Variants in RRP1 observed in about 807,000 individuals in gnomAD.
RRP1 encodes ribosomal RNA processing protein 1 homolog A.
A neutral mutation model predicts 54.6 loss-of-function variants in RRP1; 37 were observed. The ratio of observed to expected loss-of-function variants is 0.68; its 90% confidence interval spans 0.52 to 0.89. RRP1 has a LOEUF of 0.89. Ranked by LOEUF, RRP1 falls within the 40% of genes least tolerant of loss-of-function variation. The pLI is 0.00. For missense variants in RRP1, 639 were observed against 612.5 expected, an observed-to-expected ratio of 1.04 and a Z score of -0.46; for synonymous variants, 262 against 244.3, an observed-to-expected ratio of 1.07 and a Z score of -0.67.
rs529348875 is a variant in RRP1 at position 43,803,748 on chromosome 21, G to GAGA, written c.1371_1373dup (p.Lys458dup). On this transcript the variant is annotated inframe_insertion, in exon 13 of 13. Coordinates refer to ENST00000497547, the MANE Select transcript of RRP1 (RefSeq NM_003683.6). ...AAAGGCGGCCAATGTCCAGGAGCCG[G>GAGA]AGAAGAAGAAGAAACGCAGGGAGTG... The GAGA allele has an allele frequency of 1.3e-6, 2 of 1,580,188 alleles. No individual in the cohort carries two copies. Among genetic ancestry groups the GAGA allele is most frequent in the African/African-American group, 2.7e-5 (2 of 74,446 alleles).
intron 3 of RRP1, 134 bp from the exon 4 acceptor site, chr21:43,793,185 T>TG: frequency 2.6e-6 from 2 of 754,790 alleles, no homozygotes; most frequent in Non-Finnish European, 4.5e-6. Context: ...GATCCAGTTC[T>TG]GGGGGTAGGG....
chr21:43,794,686 G>A (rs2084997966), intron 4 of RRP1, among the ~76,000 whole-genome samples: 1 of 152,182 alleles, frequency 6.6e-6, no homozygotes, highest in South Asian at 2.1e-4. Flanking sequence ...GTTGATTCAC[G>A]GGTGAGGCTT....
chr21:43,794,758 C>CG (rs1004716285), intron 4 of RRP1, among the ~76,000 whole-genome samples: 6 of 152,136 alleles, frequency 3.9e-5, no homozygotes, highest in Non-Finnish European at 7.4e-5. Flanking sequence ...CTGCCCGTTG[C>CG]GGGGGGTTTG....
chr21:43,797,914 G>A lies in RRP1; in HGVS notation c.625G>A (p.Val209Ile), dbSNP rs551764515. 1.2e-6 allele frequency: 2 copies of A among 1,613,742 alleles called. No homozygotes were observed. Among genetic ancestry groups the A allele is most frequent in the Non-Finnish European group, 1.7e-6 (2 of 1,179,832 alleles). Residue 209 changes from valine to isoleucine, a missense_variant, in exon 8 of 13, where the codon GTT (valine) becomes ATT (isoleucine). Val to Ile is a conservative substitution (Grantham distance 29). Transcript: ENST00000497547. ...RIAARTKDSL[V>I]LNNITRGIFE... ...CTCTGCTCTGCCCCTCAGTTCCTTG[G>A]TTTTGAACAACATCACTCGAGGCAT...
At chr21:43,793,270 G>A (rs371319751) in intron 3 of RRP1, 49 bp from the exon 4 acceptor site, 6 of 1,552,628 alleles carry the variant, frequency 3.9e-6, no homozygotes, top group Non-Finnish European at 5.3e-6. Flanking sequence ...CCTCCCCAGA[G>A]TGGCTTCGTG....
chr21:43,792,800 C>T (rs1412276317), intron 3 of RRP1, 71 bp downstream of exon 3: 7 of 1,523,826 alleles, frequency 4.6e-6, no homozygotes, highest in Non-Finnish European at 6.4e-6. Flanking sequence ...GCCACCAGAC[C>T]CAGGAGGTTT....
At position 43,803,767 on chromosome 21, in the gene RRP1, G is replaced by A; in HGVS notation, c.1379G>A (p.Arg460Lys). Residue 460 changes from arginine (R) to lysine (K), a missense_variant, in exon 13 of 13, where the codon AGG (arginine) becomes AAG (lysine). Transcript: ENST00000497547. ...GAGCCGGAGAAGAAGAAGAAACGCAGGGAGTGATGTGGCCGGGCCAAGGAC... is the reference window on the plus strand; with the variant it reads ...GAGCCGGAGAAGAAGAAGAAACGCAAGGAGTGATGTGGCCGGGCCAAGGAC... ...VQEPEKKKKR[R>K]E 6.3e-7 allele frequency: 1 copy of A among 1,581,828 alleles called. No homozygotes were observed. The highest frequency in any genetic ancestry group is 8.6e-7 in the Non-Finnish European group (1 of 1,161,960).
Position 43,800,499 on chromosome 21 carries a change from GTC to G in RRP1, c.892-12_892-11del, listed in dbSNP as rs750866389. The G allele has an allele frequency of 6.8e-6, 11 of 1,613,288 alleles. No homozygotes were observed. Among genetic ancestry groups the G allele is most frequent in the Non-Finnish European group, 9.3e-6 (11 of 1,179,344 alleles). On this transcript the variant is annotated splice_polypyrimidine_tract_variant and intron_variant, in intron 9 of 12. Transcript: ENST00000497547. ...GCGTGGCTGACCTTGCCTCTGTGAC[GTC>G]TCTCTTTTGAAACAGTTTGACTACG...
At chr21:43,797,395 T>G in intron 5 of RRP1, 27 bp from the exon 6 acceptor site, 1 of 1,596,444 alleles carries the variant, frequency 6.3e-7, no homozygotes, top group Non-Finnish European at 8.5e-7. Flanking sequence ...CGAGGCTGCC[T>G]GTCATGTTTG....
intron 2 of RRP1, 57 bp from the exon 3 acceptor site, chr21:43,792,615 C>G (rs2084972225): frequency 1.3e-6 from 2 of 1,564,328 alleles, no homozygotes; most frequent in South Asian, 1.1e-5. Flanking sequence ...GCGTGTGTGT[C>G]ATTGTGAGAG....
intron 4 of RRP1, among the ~76,000 whole-genome samples, chr21:43,794,957 G>A (rs2085002344): frequency 1.3e-5 from 2 of 152,220 alleles, no homozygotes; most frequent in Admixed American, 6.5e-5. Flanking sequence ...CTGCCAGCTG[G>A]GGCCTTGGAG....
chr21:43,789,613 T>C lies in RRP1; in HGVS notation c.-17T>C, dbSNP rs2084934995. 6.3e-6 allele frequency: 10 copies of C among 1,583,536 alleles called. No homozygotes were observed. In the South Asian group the frequency reaches 9.2e-5, roughly 15 times the overall value. ...TACCAGGCGACTCCGGGACAGGGGG[T>C]CTCGGCCGTCGGCGTCATGGTTTCG... On this transcript the variant is annotated 5_prime_UTR_variant, in exon 1 of 13. Transcript: ENST00000497547.
At chr21:43,793,178 C>T in intron 3 of RRP1, 141 bp from the exon 4 acceptor site, 2 of 723,164 alleles carry the variant, frequency 2.8e-6, no homozygotes, top group Non-Finnish European at 4.7e-6. Flanking sequence ...CCAGCAAGAT[C>T]CAGTTCTGGG....
intron 12 of RRP1, among the ~76,000 whole-genome samples, chr21:43,802,944 C>T (rs904735168): frequency 5.3e-5 from 8 of 152,234 alleles, no homozygotes; most frequent in South Asian, 2.1e-4. Context: ...AGCACAGTGC[C>T]GGGCAGGGCA....
chr21:43,802,357 A>G lies in RRP1; in HGVS notation c.1093A>G (p.Lys365Glu). ...GRRQKKTKKQ[K>E]RLLRLQQERG... is the part of the protein sequence containing the mutation. ...GCGGCAGAAGAAGACGAAGAAGCAG[A>G]AGCGTCTGCTCAGGTTGCAGCAGGA... The change falls in exon 12 of 13, where the codon AAG becomes GAG. Residue 365 changes from lysine to glutamate, a missense_variant. By Grantham distance (56) the Lys-to-Glu change is moderately conservative. Coordinates refer to ENST00000497547, the MANE Select transcript of RRP1 (RefSeq NM_003683.6). The G allele has an allele frequency of 3.1e-6, 5 of 1,613,984 alleles. No individual in the cohort carries two copies. The South Asian group carries it at 3.3e-5, about 11-fold the overall frequency.
Position 43,799,640 on chromosome 21 carries a change from C to T in RRP1, c.882C>T (p.Pro294=), listed in dbSNP as rs530303660. 3.2e-5 allele frequency: 51 copies of T among 1,610,256 alleles called. No homozygotes were observed. In the African/African-American group the frequency reaches 3.2e-4, roughly 10 times the overall value. The change falls in exon 9 of 13, where the codon CCC becomes CCT. Residue 294 remains proline (P), a synonymous_variant. Transcript: ENST00000497547. ...GTGACGACAGGGACAGTGGCGGCCC[C>T]GTTCTCCAGGTGGGTTCCCTGGGCT... ...QAGDDRDSGG[P]VLQFDYEAVA... is the part of the protein sequence containing the mutation.
At position 43,804,870 on chromosome 21, in the gene RRP1, A is replaced by C. The variant is rs1410672018; in HGVS notation, c.*1096A>C. 1 of 152,482 alleles carries C rather than the reference A, an allele frequency of 6.6e-6. No homozygotes were observed. The highest frequency in any genetic ancestry group is 1.5e-5 in the Non-Finnish European group (1 of 68,292). 9.4% of individuals were successfully genotyped at this position (152,482 alleles called of 1,614,324 possible). ...GGTGGCACCTGGTGACACCTCCTTCAGTCCCACTCAGCTGGGCGGCCGGGG... is the reference window on the plus strand; with the variant it reads ...GGTGGCACCTGGTGACACCTCCTTCCGTCCCACTCAGCTGGGCGGCCGGGG... On this transcript the variant is annotated 3_prime_UTR_variant, in exon 13 of 13. Transcript: ENST00000497547. This position sits in a 1 kb window ranked among gnomAD's most constrained non-coding sequence, Gnocchi z 4.3.
In RRP1 at chr21:43,791,343, G is replaced by A; in HGVS notation, c.134-7G>A. On this transcript the variant is annotated splice_polypyrimidine_tract_variant and splice_region_variant and intron_variant, in intron 1 of 12. Coordinates refer to ENST00000497547, the MANE Select transcript of RRP1 (RefSeq NM_003683.6). ...CATTTGGTCCAACCGTTGCTGTTTTGATGCAGGTGGTTTTACGCACGACGA... is the reference window on the plus strand; with the variant it reads ...CATTTGGTCCAACCGTTGCTGTTTTAATGCAGGTGGTTTTACGCACGACGA... 6.2e-7 allele frequency: 1 copy of A among 1,613,700 alleles called. No homozygotes were observed. The highest frequency in any genetic ancestry group is 8.5e-7 in the Non-Finnish European group (1 of 1,179,760).
At chr21:43,791,977 T>G (rs558537722) in intron 2 of RRP1, among the ~76,000 whole-genome samples, 1 of 152,176 alleles carries the variant, frequency 6.6e-6, no homozygotes, top group African/African-American at 2.4e-5. Flanking sequence ...GGGTGAAAAC[T>G]GGGTTTTGTG....
Sources: allele counts gnomAD v4.1 joint callset (sites outside exome capture counted in the v4.1 genomes callset), GRCh38; gene constraint gnomAD v4.1.1; non-coding constraint Gnocchi (gnomAD v3.1); transcripts MANE v1.5; gene names NCBI Gene and HGNC (gene_info 2026-07-23, HGNC 2026-07-21).